PPRC1: variants seen among roughly 807,000 people sequenced by gnomAD.
PPRC1 encodes the protein PPARG related coactivator 1.
PPRC1 carries 23 observed loss-of-function variants against 132.5 expected under a neutral mutation model. That is an observed-to-expected ratio of 0.17 (90% confidence interval 0.12 to 0.25). The LOEUF (loss-of-function observed/expected upper bound fraction) is 0.25, where lower values mean the gene tolerates loss of function less well. Ranked by LOEUF, PPRC1 falls within the 10% of genes least tolerant of loss-of-function variation. PPRC1 has a pLI of 1.00. For synonymous variants in PPRC1, 872 were observed against 833.5 expected (o/e 1.05, Z -0.80); for missense variants, 2,006 against 2,089.1 (o/e 0.96, Z 0.78).
At chr10:102,142,907 T>C in intron 5 of PPRC1, 138 bp from the exon 6 acceptor site, 1 of 669,474 alleles carries the variant, frequency 1.5e-6, no homozygotes, top group Non-Finnish European at 2.5e-6. Flanking sequence ...TCATGCTTTG[T>C]GCTGCTACCT....
Position 102,138,057 on chromosome 10 carries a change from C to T in PPRC1, c.342+19C>T, listed in dbSNP as rs949454447. On this transcript the variant is annotated intron_variant, in intron 2 of 13. Transcript: ENST00000278070. ...TGGAGAGGTGAGCTGGGGCTGGACT[C>T]TGAAATCTTCAAGCAGGAGGTTTAC... 1 of 1,605,994 alleles carries T rather than the reference C, an allele frequency of 6.2e-7. No homozygotes were observed. Among genetic ancestry groups the T allele is most frequent in the Non-Finnish European group, 8.5e-7 (1 of 1,175,146 alleles).
At position 102,133,087 on chromosome 10, in the gene PPRC1, C is replaced by G; in HGVS notation, c.19C>G (p.Arg7Gly). 4 of 1,243,090 alleles carry G rather than the reference C, an allele frequency of 3.2e-6. No individual in the cohort carries two copies. Among genetic ancestry groups the G allele is most frequent in the Non-Finnish European group, 4.0e-6 (4 of 988,042 alleles). The allele number at this position is 1,243,090 out of a possible 1,614,324, so 77.0% of individuals were successfully genotyped here. A position where few individuals can be genotyped will look rare whatever the true frequency, so the allele number is the denominator to read the frequency against. ...GGCCAAGATGGCGGCGCGCCGGGGA[C>G]GGAGAGACGGAGTCGCGCCGCCCCC... MAARRGRRDGVAPPPSG... is the reference protein window; with the variant it reads MAARRGGRDGVAPPPSG... Residue 7 changes from arginine to glycine, a missense_variant, in exon 1 of 14, where the codon CGG becomes GGG. By Grantham distance (125) the Arg-to-Gly change is moderately radical. Around this residue, in one of 2 missense-constraint regions of PPRC1, gnomAD observed 1,914 missense variants for 1,917.2 expected, o/e 1.00. Coordinates refer to ENST00000278070, the MANE Select transcript of PPRC1 (RefSeq NM_015062.5).
Position 102,148,697 on chromosome 10 carries a change from G to A in PPRC1, c.4617+3G>A. On this transcript the variant is annotated splice_donor_region_variant and intron_variant, in intron 11 of 13. Coordinates refer to ENST00000278070, the MANE Select transcript of PPRC1 (RefSeq NM_015062.5). This position sits in a 1 kb window ranked among gnomAD's most constrained non-coding sequence, Gnocchi z 4.2. ...TGCTACAAAAGGAGCGTGCAATAGTGAGTAGAGGAACAGATCATGGGAGGA... is the reference window on the plus strand; with the variant it reads ...TGCTACAAAAGGAGCGTGCAATAGTAAGTAGAGGAACAGATCATGGGAGGA... 1.2e-6 allele frequency: 2 copies of A among 1,614,182 alleles called. No homozygotes were observed. Among genetic ancestry groups the A allele is most frequent in the Non-Finnish European group, 1.7e-6 (2 of 1,180,016 alleles).
In PPRC1 at chr10:102,147,350, C is replaced by A; in HGVS notation, c.4358C>A (p.Ser1453Tyr). 1.2e-6 allele frequency: 2 copies of A among 1,610,268 alleles called. No homozygotes were observed. The highest frequency in any genetic ancestry group is 1.7e-6 in the Non-Finnish European group (2 of 1,179,868). Residue 1453 changes from serine to tyrosine, a missense_variant, in exon 9 of 14, where the codon TCT (serine) becomes TAT (tyrosine). Physicochemically the swap from Ser to Tyr is moderately radical, Grantham distance 144 (BLOSUM62 -2). Around this residue, in one of 2 missense-constraint regions of PPRC1, gnomAD observed 1,914 missense variants for 1,917.2 expected, o/e 1.00. Coordinates refer to ENST00000278070, the MANE Select transcript of PPRC1 (RefSeq NM_015062.5). ...SSSSSSSSSR[S>Y]RSRSLSPPHK... ...TCATCATCGTCTTCCTCATCCCGATCTCGGTCCAGGTCCCTCTCCCCCCCA... is the reference window on the plus strand; with the variant it reads ...TCATCATCGTCTTCCTCATCCCGATATCGGTCCAGGTCCCTCTCCCCCCCA...
chr10:102,132,929 G>A, upstream of PPRC1: 2 of 1,173,962 alleles, frequency 1.7e-6, no homozygotes, highest in Admixed American at 8.5e-5. Context: ...CTTCTTCCAG[G>A]GTGCAAGTGG....
chr10:102,133,058 C>G lies in PPRC1; in HGVS notation c.-11C>G. On this transcript the variant is annotated 5_prime_UTR_variant, in exon 1 of 14. Transcript: ENST00000278070. ...AGCGATCAGAGCAGCGCTGGGTGTTCAGGGGCCAAGATGGCGGCGCGCCGG... is the reference window on the plus strand; with the variant it reads ...AGCGATCAGAGCAGCGCTGGGTGTTGAGGGGCCAAGATGGCGGCGCGCCGG... 1 of 1,241,062 alleles carries G rather than the reference C, an allele frequency of 8.1e-7. No individual in the cohort carries two copies. The highest frequency in any genetic ancestry group is 1.0e-6 in the Non-Finnish European group (1 of 987,934). 76.9% of individuals were successfully genotyped at this position (1,241,062 alleles called of 1,614,324 possible).
rs1437620231 is a variant in PPRC1 at position 102,140,999 on chromosome 10, C to T, written c.2491C>T (p.Pro831Ser). ...AGGTCCCAGCCCTGCTTCTCCTAGT[C>T]CTGAGCCACCTGTAAGCAAACCTGT... The part of the protein sequence containing the change: ...PVGPSPASPS[P>S]EPPVSKPVAS... Residue 831 changes from proline (P) to serine (S), a missense_variant, in exon 5 of 14, where the codon CCT (proline) becomes TCT (serine). Pro to Ser is a moderately conservative substitution (Grantham distance 74). Around this residue, in one of 2 missense-constraint regions of PPRC1, gnomAD observed 1,914 missense variants for 1,917.2 expected, o/e 1.00. Transcript: ENST00000278070. 9 of 1,614,132 alleles carry T rather than the reference C, an allele frequency of 5.6e-6. No homozygotes were observed. The highest frequency in any genetic ancestry group is 5.9e-6 in the Non-Finnish European group (7 of 1,180,034).
chr10:102,122,725 A>G, the PPRC1 span, among the ~76,000 whole-genome samples: 238 of 152,278 alleles, frequency 1.6e-3, 1 homozygote, highest in African/African-American at 5.5e-3. Flanking sequence ...AACCCACCCT[A>G]TAAAGGTCTT....
At chr10:102,138,276 G>C (rs1019414236) in intron 2 of PPRC1, among the ~76,000 whole-genome samples, 1 of 152,162 alleles carries the variant, frequency 6.6e-6, no homozygotes, top group Non-Finnish European at 1.5e-5. Context: ...CTTTCCCACT[G>C]TCTGGGCCCC....
rs770671549 is a variant in PPRC1, at chr10:102,141,909, C to T, written c.3401C>T (p.Ala1134Val). 33 of 1,614,190 alleles carry T rather than the reference C, an allele frequency of 2.0e-5. No homozygotes were observed. The highest frequency in any genetic ancestry group is 2.7e-5 in the Non-Finnish European group (32 of 1,180,038). The part of the protein sequence containing the change: ...PRQSTVPKLP[A>V]VHPARLRKLS... ...CAGAGCACTGTCCCCAAGCTGCCTG[C>T]TGTCCACCCAGCCCGTCTAAGGAAG... Residue 1134 changes from alanine (A) to valine (V), a missense_variant, in exon 5 of 14, where the codon GCT becomes GTT. By Grantham distance (64) the Ala-to-Val change is moderately conservative. Around this residue, in one of 2 missense-constraint regions of PPRC1, gnomAD observed 1,914 missense variants for 1,917.2 expected, o/e 1.00. Transcript: ENST00000278070.
chr10:102,136,229 C>T (rs1043296918), intron 1 of PPRC1, among the ~76,000 whole-genome samples: 7 of 152,114 alleles, frequency 4.6e-5, no homozygotes, highest in Non-Finnish European at 8.8e-5. Flanking sequence ...ATTCTCTGGG[C>T]CTGGCCTCCT....
rs1392230719 is a variant in PPRC1 at position 102,139,660 on chromosome 10, T to A, written c.1152T>A (p.Ser384Arg). ...PVLLDDSLET[S>R]SALQLLMPTL... ...TCCTGGATGACTCGCTAGAGACTAG[T>A]TCTGCCTTGCAGCTGCTTATGCCTA... The change falls in exon 5 of 14, where the codon AGT becomes AGA. Residue 384 changes from serine to arginine, a missense_variant. Ser to Arg is a moderately radical substitution (Grantham distance 110). Transcript: ENST00000278070. 6.2e-7 allele frequency: 1 copy of A among 1,614,070 alleles called. No individual in the cohort carries two copies. The highest frequency in any genetic ancestry group is 1.1e-5 in the South Asian group (1 of 91,088).
Position 102,141,763 on chromosome 10 carries a change from G to T in PPRC1, c.3255G>T (p.Val1085=), listed in dbSNP as rs1261724676. Reference sequence around the variant, plus strand: ...CCCAGATGAAGGCTCTAGCATGTGTGTCTGCTGAAGGTGTGACTGTTGAGG... The same window carrying T: ...CCCAGATGAAGGCTCTAGCATGTGTTTCTGCTGAAGGTGTGACTGTTGAGG... ...QSPQMKALAC[V]SAEGVTVEEP... Residue 1085 remains valine, a synonymous_variant, in exon 5 of 14, where the codon GTG becomes GTT. Coordinates refer to ENST00000278070, the MANE Select transcript of PPRC1 (RefSeq NM_015062.5). 1 of 1,613,740 alleles carries T rather than the reference G, an allele frequency of 6.2e-7. No homozygotes were observed. Among genetic ancestry groups the T allele is most frequent in the African/African-American group, 1.3e-5 (1 of 74,914 alleles).
chr10:102,120,533 C>T, the PPRC1 span: 2 of 273,048 alleles, frequency 7.3e-6, no homozygotes, highest in African/African-American at 2.3e-5. Context: ...GCTAATTGTC[C>T]TGCTAGTGGG....
upstream of PPRC1, among the ~76,000 whole-genome samples, chr10:102,130,561 C>A (rs1311600196): frequency 6.6e-6 from 1 of 151,576 alleles, no homozygotes; most frequent in Non-Finnish European, 1.5e-5. Context: ...CATGGAGAAA[C>A]CCCCTCTCTA....
rs749449895 is a variant in PPRC1 at position 102,140,447 on chromosome 10, G to A, written c.1939G>A (p.Val647Ile). ...ADSAAVDPAV[V>I]PISDNLPPVD... ...CTCAGCAGCAGTTGACCCTGCAGTGGTTCCCATCTCAGATAACTTGCCACC... is the reference window on the plus strand; with the variant it reads ...CTCAGCAGCAGTTGACCCTGCAGTGATTCCCATCTCAGATAACTTGCCACC... Residue 647 changes from valine (V) to isoleucine (I), a missense_variant, in exon 5 of 14, where the codon GTT becomes ATT. Physicochemically the swap from Val to Ile is conservative, Grantham distance 29. This residue lies in a region of PPRC1 where 1,914 missense variants were observed against 1,917.2 expected (regional missense o/e 1.00). Coordinates refer to ENST00000278070, the MANE Select transcript of PPRC1 (RefSeq NM_015062.5). 1 of 1,614,076 alleles carries A rather than the reference G, an allele frequency of 6.2e-7. No individual in the cohort carries two copies. Among genetic ancestry groups the A allele is most frequent in the Non-Finnish European group, 8.5e-7 (1 of 1,180,046 alleles).
At chr10:102,120,364 TGTGTGTCC>T in the PPRC1 span, 27 of 981,920 alleles carry the variant, frequency 2.7e-5, no homozygotes, top group Non-Finnish European at 3.0e-5. Flanking sequence ...GTCCGCGGAG[TGTGTGTCC>T]GTGTGTGCGT....
rs750120197 is a variant in PPRC1 at position 102,149,343 on chromosome 10, G to C, written c.4891+14G>C. 6.4e-7 allele frequency: 1 copy of C among 1,566,664 alleles called. No individual in the cohort carries two copies. Among genetic ancestry groups the C allele is most frequent in the East Asian group, 2.3e-5 (1 of 44,318 alleles). ...ATTCTGATCTTGGTGAGTGGAGGGA[G>C]GGCCTAAAGCTTTGGAATGCTTCAT... On this transcript the variant is annotated intron_variant, in intron 13 of 13. Coordinates refer to ENST00000278070, the MANE Select transcript of PPRC1 (RefSeq NM_015062.5).
chr10:102,124,907 A>G, the PPRC1 span, among the ~76,000 whole-genome samples: 90 of 151,926 alleles, frequency 5.9e-4, no homozygotes, highest in African/African-American at 2.1e-3. Context: ...TGACCTTCCA[A>G]TGTGCTGGGA....
Sources: allele counts gnomAD v4.1 joint callset (sites outside exome capture counted in the v4.1 genomes callset), GRCh38; gene constraint gnomAD v4.1.1; regional missense constraint gnomAD v4.1.1; non-coding constraint Gnocchi (gnomAD v3.1); transcripts MANE v1.5; gene names NCBI Gene and HGNC (gene_info 2026-07-23, HGNC 2026-07-21).